Variants in FRMD6 observed in about 807,000 individuals in gnomAD.
FRMD6 encodes the protein FERM domain containing 6.
Under a neutral mutation model 73.2 loss-of-function variants are expected in FRMD6, and 37 were observed. The observed-to-expected ratio is 0.51, with a 90% CI of 0.39 to 0.66. FRMD6 has a LOEUF of 0.66. Among genes scored for constraint, FRMD6 ranks in the 30% least tolerant of loss-of-function variants. The pLI is 0.00. For synonymous variants in FRMD6, 273 were observed against 282.2 expected (o/e 0.97, Z 0.33); for missense variants, 714 against 780.5 (o/e 0.91, Z 1.02).
chr14:51,536,080 A>T (rs1329227630), intron 1 of FRMD6, among the ~76,000 whole-genome samples: 2 of 123,566 alleles, frequency 1.6e-5, no homozygotes, highest in Non-Finnish European at 1.6e-5. Context: ...TATATATTTT[A>T]TATATATATA....
intron 2 of FRMD6, chr14:51,637,258 AT>A (rs1271053694): frequency 6.6e-6 from 1 of 152,230 alleles, no homozygotes; most frequent in Non-Finnish European, 1.5e-5. Context: ...CATTTAAAAA[AT>A]AAATCTTCAT....
intron 1 of FRMD6, among the ~76,000 whole-genome samples, chr14:51,533,115 C>T (rs1011896310): frequency 2.0e-5 from 3 of 152,222 alleles, no homozygotes; most frequent in Non-Finnish European, 4.4e-5. Context: ...TTTTGCAGCT[C>T]TCTTGATTTT....
upstream of FRMD6, among the ~76,000 whole-genome samples, chr14:51,486,708 A>C (rs1019184199): frequency 6.6e-6 from 1 of 152,200 alleles, no homozygotes; most frequent in Non-Finnish European, 1.5e-5. Flanking sequence ...TTCAAGTTGA[A>C]AGTGGATGAG....
intron 2 of FRMD6, among the ~76,000 whole-genome samples, chr14:51,605,344 C>T (rs537712395): frequency 3.8e-4 from 58 of 152,096 alleles, no homozygotes; most frequent in Non-Finnish European, 6.8e-4. Context: ...TGACTCTTAA[C>T]GAGCATGCTG....
chr14:51,473,659 T>C, the FRMD6 span, among the ~76,000 whole-genome samples: 1 of 152,192 alleles, frequency 6.6e-6, no homozygotes, highest in Non-Finnish European at 1.5e-5. Flanking sequence ...CATAGGCTTC[T>C]GGCTCTATCT....
the FRMD6 span, among the ~76,000 whole-genome samples, chr14:51,415,490 C>T: frequency 2.0e-5 from 3 of 152,246 alleles, no homozygotes; most frequent in Non-Finnish European, 4.4e-5. Flanking sequence ...GCCTTGCATC[C>T]CAGGGATGAA....
intron 13 of FRMD6, among the ~76,000 whole-genome samples, chr14:51,727,299 A>G (rs1353386743): frequency 1.4e-5 from 2 of 144,644 alleles, no homozygotes; most frequent in East Asian, 4.2e-4. Flanking sequence ...CTGAATTGCC[A>G]TATCCTACTG....
intron 1 of FRMD6, among the ~76,000 whole-genome samples, chr14:51,668,871 G>T (rs1332421858): frequency 6.6e-6 from 1 of 151,220 alleles, no homozygotes; most frequent in Non-Finnish European, 1.5e-5. Flanking sequence ...GTTTCACCGT[G>T]TTGGCCAGGC....
rs57514863 is a variant in FRMD6 at position 51,704,024 on chromosome 14, A to C, written c.372-725A>C. 6.7e-3 allele frequency among the ~76,000 whole-genome samples: 1,019 copies of C among 152,172 alleles called. 10 individuals carry two copies. Among genetic ancestry groups the C allele is most frequent in the African/African-American group, 0.023 (968 of 41,522 alleles). On this transcript the variant is annotated intron_variant, in intron 5 of 13. Transcript: ENST00000344768. The stretch of plus-strand genomic sequence containing the variant: ...TTAATGATGACTGTATTTATTTCTG[A>C]TCTCAAGAGATTGTAATGAGTGCTC...
intron 2 of FRMD6, among the ~76,000 whole-genome samples, chr14:51,697,784 A>T (rs562170605): frequency 1.8e-4 from 28 of 152,238 alleles, no homozygotes; most frequent in Admixed American, 7.2e-4. Context: ...ATGAATAAAA[A>T]TTTTTTAAAA....
At chr14:51,529,279 G>C (rs1885444037) in intron 1 of FRMD6, among the ~76,000 whole-genome samples, 1 of 152,194 alleles carries the variant, frequency 6.6e-6, no homozygotes, top group Non-Finnish European at 1.5e-5. Flanking sequence ...TAACTTTTCT[G>C]TGCCTACGTT....
At chr14:51,599,058 C>CTTTTCTTTTTTTTTTTTTTTTTT (rs1158794443) in intron 2 of FRMD6, among the ~76,000 whole-genome samples, 2 of 72,800 alleles carry the variant, frequency 2.7e-5, no homozygotes, top group East Asian at 4.8e-4. Flanking sequence ...CAGTATCTGT[C>CTTTTCTTTTTTTTTTTTTTTTTT]TTTTTTTTTT....
the FRMD6 span, among the ~76,000 whole-genome samples, chr14:51,417,738 A>C: frequency 1.3e-5 from 2 of 152,154 alleles, no homozygotes; most frequent in Non-Finnish European, 1.5e-5. Context: ...TAACATCCTG[A>C]AGAGTGTTTT....
chr14:51,536,128 C>A (rs923929972), intron 1 of FRMD6, among the ~76,000 whole-genome samples: 5 of 143,656 alleles, frequency 3.5e-5, no homozygotes, highest in African/African-American at 1.0e-4. Context: ...AGGGTCTCAC[C>A]CTGTTTTCCA....
chr14:51,727,778 C>G lies in FRMD6; in HGVS notation c.1618C>G (p.Arg540Gly). 8 of 1,610,296 alleles carry G rather than the reference C, an allele frequency of 5.0e-6. No individual in the cohort carries two copies. Among genetic ancestry groups the G allele is most frequent in the Non-Finnish European group, 6.8e-6 (8 of 1,176,758 alleles). The change falls in exon 14 of 14, where the codon CGA (arginine) becomes GGA (glycine). Residue 540 changes from arginine to glycine, a missense_variant. By Grantham distance (125) the Arg-to-Gly change is moderately radical (BLOSUM62 -2). Transcript: ENST00000344768. ...ICRKPKTSTDRHSLSLDDIRL... is the reference protein window; with the variant it reads ...ICRKPKTSTDGHSLSLDDIRL... ...TCGGAAACCAAAGACCTCCACTGATCGACACAGCTTGAGCCTCGATGACAT... is the reference window on the plus strand; with the variant it reads ...TCGGAAACCAAAGACCTCCACTGATGGACACAGCTTGAGCCTCGATGACAT...
At chr14:51,513,853 C>T (rs935478790) in intron 1 of FRMD6, among the ~76,000 whole-genome samples, 1 of 152,206 alleles carries the variant, frequency 6.6e-6, no homozygotes, top group Non-Finnish European at 1.5e-5. Context: ...CCAATCCCAA[C>T]TGGAGGCAAG....
At chr14:51,701,232 G>A in intron 4 of FRMD6, 73 bp downstream of exon 4, 1 of 792,822 alleles carries the variant, frequency 1.3e-6, no homozygotes, top group Non-Finnish European at 2.0e-6. Context: ...TTATACATTA[G>A]AAGAAAACTG....
upstream of FRMD6, chr14:51,650,390 A>G (rs1254793305): frequency 8.4e-6 from 1 of 119,212 alleles, no homozygotes; most frequent in Non-Finnish European, 1.8e-5. Context: ...AGAGCAGGGC[A>G]GTTTTTTTTT....
At chr14:51,412,354 A>G in the FRMD6 span, among the ~76,000 whole-genome samples, 1 of 152,188 alleles carries the variant, frequency 6.6e-6, no homozygotes, top group Non-Finnish European at 1.5e-5. Flanking sequence ...CAATCATTTT[A>G]GAAGATTTAT....
Sources: allele counts gnomAD v4.1 joint callset (sites outside exome capture counted in the v4.1 genomes callset), GRCh38; gene constraint gnomAD v4.1.1; transcripts MANE v1.5; gene names NCBI Gene and HGNC (gene_info 2026-07-23, HGNC 2026-07-21).